The following ANXA11 variants were observed in gnomAD, a reference collection of about 807,000 sequenced individuals.
The protein encoded by ANXA11 is annexin A11.
Under a neutral mutation model 64.7 loss-of-function variants are expected in ANXA11, and 57 were observed. That is an observed-to-expected ratio of 0.88 (90% CI 0.71 to 1.10). ANXA11 has a LOEUF of 1.10. Ranked by LOEUF, ANXA11 falls within the 50% of genes least tolerant of loss-of-function variation. ANXA11 has a pLI of 0.00. For synonymous variants in ANXA11, 260 were observed against 265.2 expected, an observed-to-expected ratio of 0.98 and a Z score of 0.19; for missense variants, 675 against 670.7, an observed-to-expected ratio of 1.01 and a Z score of -0.07.
rs1476724722 is a variant in ANXA11 at position 80,153,392 on chromosome 10, G to A, written c.*2461C>T. 6.6e-6 allele frequency: 1 copy of A among 152,252 alleles called. No individual in the cohort carries two copies. Among genetic ancestry groups the A allele is most frequent in the Non-Finnish European group, 1.5e-5 (1 of 68,042 alleles). The allele number at this position is 152,252 out of a possible 1,614,324, so 9.4% of individuals were successfully genotyped here. A position where few individuals can be genotyped will look rare whatever the true frequency, so the allele number is the denominator to read the frequency against. ...TTAAATGTTGGCAACAAATTCAAAT[G>A]TCTAAAAACACTTTGGAAACCAAAG... On this transcript the variant is annotated 3_prime_UTR_variant, in exon 16 of 16. Transcript: ENST00000422982.
chr10:80,194,523 TCG>T (rs1846904060), intron 1 of ANXA11, among the ~76,000 whole-genome samples: 1 of 87,178 alleles, frequency 1.1e-5, no homozygotes, highest in Non-Finnish European at 2.2e-5. Context: ...CTAGGAAGAG[TCG>T]GGGGGGGAAG....
At chr10:80,196,354 C>T (rs1023399847) in intron 1 of ANXA11, among the ~76,000 whole-genome samples, 1 of 152,216 alleles carries the variant, frequency 6.6e-6, no homozygotes, top group Admixed American at 6.5e-5. Flanking sequence ...CCCACCACCA[C>T]CTGCCACAGG....
chr10:80,188,805 C>A (rs1436146532), intron 1 of ANXA11, among the ~76,000 whole-genome samples: 1 of 152,150 alleles, frequency 6.6e-6, no homozygotes, highest in Non-Finnish European at 1.5e-5. Context: ...AGAAGCCAGG[C>A]TCTGACATTT....
intron 3 of ANXA11, 65 bp from the exon 4 acceptor site, chr10:80,170,980 T>G: frequency 6.5e-7 from 1 of 1,535,986 alleles, no homozygotes; most frequent in South Asian, 1.2e-5. Context: ...AAGGCAGAGA[T>G]GAGAGCTCCC....
At chr10:80,174,299 C>T (rs886292655) in intron 2 of ANXA11, among the ~76,000 whole-genome samples, 2 of 152,032 alleles carry the variant, frequency 1.3e-5, no homozygotes, top group South Asian at 2.1e-4. Context: ...TTTTTTGAGA[C>T]AGGGTCTCAC....
Position 80,163,265 on chromosome 10 carries a change from A to C in ANXA11, c.1086+84T>G, listed in dbSNP as rs1317722140. 3 of 1,501,084 alleles carry C rather than the reference A, an allele frequency of 2.0e-6. No homozygotes were observed. In the African/African-American group the frequency reaches 4.1e-5, roughly 21 times the overall value. 93.0% of individuals were successfully genotyped at this position (1,501,084 alleles called of 1,614,324 possible). On this transcript the variant is annotated intron_variant, in intron 11 of 15. Coordinates refer to ENST00000422982, the MANE Select transcript of ANXA11 (RefSeq NM_145868.2). Reference sequence around the variant, plus strand: ...CCACTGCTTATCTATTGTTCTTTCCACCCTAGGGTACCTCTCTCAGGAAGC... The same window carrying C: ...CCACTGCTTATCTATTGTTCTTTCCCCCCTAGGGTACCTCTCTCAGGAAGC...
At chr10:80,157,596 T>C (rs199749354) in intron 15 of ANXA11, 45 bp downstream of exon 15, 17 of 1,594,826 alleles carry the variant, frequency 1.1e-5, no homozygotes, top group Admixed American at 8.5e-5. Flanking sequence ...CACAGGTGAC[T>C]GAGATGCCAA....
chr10:80,165,518 G>A (rs548508208), intron 8 of ANXA11, among the ~76,000 whole-genome samples: 9 of 152,252 alleles, frequency 5.9e-5, no homozygotes, highest in South Asian at 2.1e-4. Flanking sequence ...ATAGTTATGC[G>A]GAGAGTGGTC....
intron 5 of ANXA11, among the ~76,000 whole-genome samples, chr10:80,168,088 C>T (rs957614610): frequency 1.3e-5 from 2 of 152,166 alleles, no homozygotes; most frequent in East Asian, 1.9e-4. Flanking sequence ...GCACATACCA[C>T]TACCCCTGTG....
intron 1 of ANXA11, among the ~76,000 whole-genome samples, chr10:80,178,368 T>C (rs1047037472): frequency 2.6e-5 from 4 of 152,212 alleles, no homozygotes; most frequent in Admixed American, 6.5e-5. Context: ...CTACGCCTGC[T>C]TCTAATCACG....
At chr10:80,166,445 CG>C in intron 7 of ANXA11, 1 of 491,276 alleles carries the variant, frequency 2.0e-6, no homozygotes, top group Non-Finnish European at 3.7e-6. Context: ...GGCTAGAACA[CG>C]AATCTAATCA....
intron 1 of ANXA11, among the ~76,000 whole-genome samples, chr10:80,178,254 C>T (rs1846239622): frequency 1.3e-5 from 2 of 152,092 alleles, no homozygotes; most frequent in African/African-American, 2.4e-5. Context: ...GAGAATCATA[C>T]CTTTCACCCT....
At chr10:80,167,822 C>A (rs1259774233) in intron 5 of ANXA11, among the ~76,000 whole-genome samples, 1 of 152,230 alleles carries the variant, frequency 6.6e-6, no homozygotes, top group Non-Finnish European at 1.5e-5. Context: ...TCGCACTGTT[C>A]TCTAGACTAG....
rs1845593651 is a variant in ANXA11 at position 80,163,403 on chromosome 10, TC to T, written c.1031del (p.Gly344GlufsTer49). ...CCACGTTTGTGCTTTCATCACGGTT[TC>T]CCTGAAAGGAAGCAGGTGTATGGTC... The part of the protein sequence containing the change: ...FQRLLISLSQ[G>X]NRDESTNVDM... On this transcript the variant is annotated frameshift_variant and splice_region_variant, in exon 11 of 16. Coordinates refer to ENST00000422982, the MANE Select transcript of ANXA11 (RefSeq NM_145868.2). LOFTEE classifies it high-confidence loss of function. The T allele has an allele frequency of 6.2e-7, 1 of 1,613,318 alleles. No individual in the cohort carries two copies. The highest frequency in any genetic ancestry group is 1.3e-5 in the African/African-American group (1 of 74,926).
intron 1 of ANXA11, among the ~76,000 whole-genome samples, chr10:80,178,112 G>A (rs1336018534): frequency 2.0e-5 from 3 of 152,034 alleles, no homozygotes; most frequent in African/African-American, 4.8e-5. Context: ...ATCTGGGCTC[G>A]GCAAGACTTC....
At chr10:80,162,995 TTAA>T (rs1261488136) in intron 11 of ANXA11, among the ~76,000 whole-genome samples, 1 of 152,160 alleles carries the variant, frequency 6.6e-6, no homozygotes, top group Non-Finnish European at 1.5e-5. Flanking sequence ...CCTCAAAAAC[TTAA>T]TAAGCAAGTG....
At chr10:80,203,510 G>A (rs1283567275) in intron 1 of ANXA11, among the ~76,000 whole-genome samples, 3 of 152,114 alleles carry the variant, frequency 2.0e-5, no homozygotes, top group African/African-American at 7.2e-5. Flanking sequence ...TCCCTGTGCT[G>A]TCTCTGTTGT....
At chr10:80,155,980 A>C in intron 15 of ANXA11, 68 bp from the exon 16 acceptor site, 1 of 1,515,136 alleles carries the variant, frequency 6.6e-7, no homozygotes, top group East Asian at 2.3e-5. Context: ...CTGGGTCCTG[A>C]TATTCAGCCC....
chr10:80,188,511 A>ATACATG (rs1554834982), intron 1 of ANXA11, among the ~76,000 whole-genome samples: 1 of 126,504 alleles, frequency 7.9e-6, no homozygotes, highest in African/African-American at 3.0e-5. Flanking sequence ...ATATATATAT[A>ATACATG]GCACTACAAC....
Sources: gnomAD v4.1 joint callset for allele counts (sites outside exome capture counted in the v4.1 genomes callset) on GRCh38, gnomAD v4.1.1 for gene constraint, MANE v1.5 for transcripts, NCBI Gene and HGNC (gene_info 2026-07-23, HGNC 2026-07-21) for gene names.